Variants in SLC4A7 observed in about 807,000 individuals in gnomAD.
SLC4A7 encodes sodium bicarbonate cotransporter 3.
SLC4A7 carries 51 observed loss-of-function variants against 137.6 expected under a neutral mutation model. The ratio of observed to expected loss-of-function variants is 0.37; its 90% CI spans 0.30 to 0.47. The LOEUF (loss-of-function observed/expected upper bound fraction) is 0.47, where lower values mean the gene tolerates loss of function less well. SLC4A7 is among the 20% of genes least tolerant of loss of function. The pLI, the probability that SLC4A7 is intolerant of heterozygous loss-of-function variation, is 1.00. For missense variants in SLC4A7, 1,247 were observed against 1,525.4 expected, an observed-to-expected ratio of 0.82 and a Z score of 3.04; for synonymous variants, 542 against 518.6, an observed-to-expected ratio of 1.05 and a Z score of -0.61.
rs1184470616 is a variant in SLC4A7, at chr3:27,448,683, T to C, written c.257A>G (p.Asp86Gly). The C allele has an allele frequency of 6.2e-7, 1 of 1,613,368 alleles. No homozygotes were observed. Among genetic ancestry groups the C allele is most frequent in the Non-Finnish European group, 8.5e-7 (1 of 1,179,564 alleles). The change falls in exon 3 of 26, where the codon GAT becomes GGT. Residue 86 changes from aspartate (D) to glycine (G), a missense_variant. Asp to Gly is a moderately conservative substitution (Grantham distance 94, BLOSUM62 -1). Coordinates refer to ENST00000454389, the MANE Select transcript of SLC4A7 (RefSeq NM_001321103.2). ...AGGAGATTCCCGTCCATCTTCTTTA[T>C]CTGATTCTTTATCTTTTCTTCTCCG... ...HHRRRKDKES[D>G]KEDGRESPSY...
At chr3:27,402,138 T>C (rs373127540) in intron 15 of SLC4A7, among the ~76,000 whole-genome samples, 1 of 152,192 alleles carries the variant, frequency 6.6e-6, no homozygotes, top group African/African-American at 2.4e-5. Context: ...GGTAACCATA[T>C]TTTTCCCTGT....
At chr3:27,438,411 A>G (rs1173728811) in intron 3 of SLC4A7, among the ~76,000 whole-genome samples, 4 of 152,018 alleles carry the variant, frequency 2.6e-5, no homozygotes, top group Non-Finnish European at 5.9e-5. Flanking sequence ...AGGCTGAGGC[A>G]GGAGAATCGC....
chr3:27,420,799 T>C lies in SLC4A7; in HGVS notation c.1425-12A>G, dbSNP rs765449791. 9.5e-6 allele frequency: 15 copies of C among 1,579,850 alleles called. No homozygotes were observed. Among genetic ancestry groups the C allele is most frequent in the African/African-American group, 1.4e-5 (1 of 74,070 alleles). Reference sequence around the variant, plus strand: ...ACAAAAACAAAAACCTAAGGAAATATGAAAATACAGATTTTAAAATAAACA... The same window carrying C: ...ACAAAAACAAAAACCTAAGGAAATACGAAAATACAGATTTTAAAATAAACA... On this transcript the variant is annotated splice_polypyrimidine_tract_variant and intron_variant, in intron 9 of 25. Transcript: ENST00000454389.
chr3:27,395,996 C>A (rs1021990308), intron 18 of SLC4A7, among the ~76,000 whole-genome samples: 6 of 152,046 alleles, frequency 3.9e-5, no homozygotes, highest in African/African-American at 1.2e-4. Flanking sequence ...TACATTTTGA[C>A]AGTACAATGT....
chr3:27,461,218 A>AT, intron 1 of SLC4A7, among the ~76,000 whole-genome samples: 1 of 151,666 alleles, frequency 6.6e-6, no homozygotes, highest in Non-Finnish European at 1.5e-5. Flanking sequence ...GCACACACAC[A>AT]CACACACACA....
chr3:27,389,604 G>C (rs1414244165), intron 22 of SLC4A7, among the ~76,000 whole-genome samples: 1 of 152,014 alleles, frequency 6.6e-6, no homozygotes, highest in Non-Finnish European at 1.5e-5. Context: ...TTTTAATAAT[G>C]AACCATGTTG....
intron 1 of SLC4A7, among the ~76,000 whole-genome samples, chr3:27,457,270 G>T (rs954607011): frequency 2.0e-5 from 3 of 152,080 alleles, no homozygotes; most frequent in Non-Finnish European, 4.4e-5. Flanking sequence ...GCCATTACAT[G>T]TTAATATACA....
intron 25 of SLC4A7, among the ~76,000 whole-genome samples, chr3:27,377,444 G>A (rs2050007592): frequency 6.6e-6 from 1 of 152,114 alleles, no homozygotes; most frequent in African/African-American, 2.4e-5. Context: ...CCAGGCTGGA[G>A]TGCAATGGCA....
At chr3:27,450,673 GATAAA>G (rs1250430184) in intron 2 of SLC4A7, among the ~76,000 whole-genome samples, 1 of 152,062 alleles carries the variant, frequency 6.6e-6, no homozygotes, top group African/African-American at 2.4e-5. Flanking sequence ...GAAAGGGATA[GATAAA>G]ATAAATAAAA....
intron 1 of SLC4A7, among the ~76,000 whole-genome samples, chr3:27,472,955 T>C (rs2059311169): frequency 6.6e-6 from 1 of 151,802 alleles, no homozygotes; most frequent in Non-Finnish European, 1.5e-5. Context: ...TAGCGCAAGC[T>C]AGTAATCCCA....
At chr3:27,474,570 G>A (rs559161687) in intron 1 of SLC4A7, among the ~76,000 whole-genome samples, 1 of 151,994 alleles carries the variant, frequency 6.6e-6, no homozygotes, top group East Asian at 1.9e-4. Flanking sequence ...AATTAGCCTG[G>A]CATGGTGGCG....
chr3:27,396,163 A>G (rs1427746140), intron 18 of SLC4A7, among the ~76,000 whole-genome samples: 1 of 152,194 alleles, frequency 6.6e-6, no homozygotes, highest in African/African-American at 2.4e-5. Context: ...TAAAAGGGAA[A>G]TTTAATACTT....
intron 1 of SLC4A7, chr3:27,456,663 C>T: frequency 1.2e-6 from 2 of 1,607,436 alleles, no homozygotes; most frequent in Non-Finnish European, 8.5e-7. Flanking sequence ...GTAACTTCTT[C>T]TCCAGACGAA....
At chr3:27,437,593 T>C (rs1318184689) in intron 3 of SLC4A7, 67 bp from the exon 4 acceptor site, 6 of 1,099,842 alleles carry the variant, frequency 5.5e-6, no homozygotes, top group Non-Finnish European at 7.4e-6. Context: ...AAATTCACAG[T>C]TTTGAAAATG....
rs1300960768 is a variant in SLC4A7, at chr3:27,421,795, T to A, written c.1267-16A>T. On this transcript the variant is annotated splice_polypyrimidine_tract_variant and intron_variant, in intron 8 of 25. Coordinates refer to ENST00000454389, the MANE Select transcript of SLC4A7 (RefSeq NM_001321103.2). ...TCATATCAACCTATTGACAAATAAA[T>A]AATTAAAAATAAAGTTTCCGTGGTA... 3 of 1,590,246 alleles carry A rather than the reference T, an allele frequency of 1.9e-6. No individual in the cohort carries two copies.
intron 12 of SLC4A7, among the ~76,000 whole-genome samples, chr3:27,409,841 TAAAC>T (rs1381383411): frequency 6.6e-6 from 1 of 152,086 alleles, no homozygotes; most frequent in East Asian, 1.9e-4. Flanking sequence ...TATAACAAAA[TAAAC>T]AAAACCCAAC....
chr3:27,473,705 C>CAAA (rs747183440), intron 1 of SLC4A7, among the ~76,000 whole-genome samples: 12 of 59,456 alleles, frequency 2.0e-4, no homozygotes, highest in Non-Finnish European at 2.6e-4. Flanking sequence ...GACCTCATGT[C>CAAA]AAAAAAAAAA....
intron 17 of SLC4A7, 47 bp from the exon 18 acceptor site, chr3:27,397,844 T>C: frequency 1.9e-6 from 2 of 1,080,726 alleles, no homozygotes; most frequent in Non-Finnish European, 2.7e-6. Context: ...ATACTATGTG[T>C]TCTTTCTAAA....
At chr3:27,433,031 T>TA (rs1553701768) in intron 6 of SLC4A7, 1 of 152,132 alleles carries the variant, frequency 6.6e-6, no homozygotes, top group Non-Finnish European at 1.5e-5. Context: ...AAGTGGAAGA[T>TA]AAAAAAGATG....
Sources: allele counts gnomAD v4.1 joint callset (sites outside exome capture counted in the v4.1 genomes callset), GRCh38; gene constraint gnomAD v4.1.1; transcripts MANE v1.5; gene names NCBI Gene and HGNC (gene_info 2026-07-23, HGNC 2026-07-21).